The following CD1A variants were observed in gnomAD, a reference collection of about 807,000 sequenced individuals.
The protein encoded by CD1A is CD1a molecule, also known as T-cell surface glycoprotein CD1a.
In CD1A, 50 loss-of-function variants were observed where a neutral mutation model predicts 38.3. The observed-to-expected ratio is 1.30, with a 90% confidence interval of 1.04 to 1.65. CD1A has a LOEUF of 1.65. Ranked by LOEUF, CD1A falls within the 40% of genes most tolerant of loss-of-function variation. The pLI is 0.00. For synonymous variants in CD1A, 160 were observed against 150.8 expected, an observed-to-expected ratio of 1.06 and a Z score of -0.45; for missense variants, 459 against 406.1, an observed-to-expected ratio of 1.13 and a Z score of -1.12.
At chr1:158,253,920 C>T (rs1571116247), upstream of CD1A, among the ~76,000 whole-genome samples, 1 of 151,464 alleles carries the variant, frequency 6.6e-6, no homozygotes, top group African/African-American at 2.4e-5. Flanking sequence ...CTTAAGTGTA[C>T]CAAGATGCTT....
At chr1:158,256,686 A>AG in intron 3 of CD1A, 100 bp from the exon 4 acceptor site, 1 of 1,427,446 alleles carries the variant, frequency 7.0e-7, no homozygotes, top group Non-Finnish European at 9.5e-7. Context: ...AAAAAAAAAA[A>AG]AAAGAGAAAT....
rs1047788074 is a variant in CD1A at position 158,256,096 on chromosome 1, T to C, written c.418T>C (p.Phe140Leu). 9 of 1,614,082 alleles carry C rather than the reference T, an allele frequency of 5.6e-6. No individual in the cohort carries two copies. The African/African-American group carries it at 9.3e-5, about 17-fold the overall frequency. The stretch of plus-strand genomic sequence containing the variant: ...GCAGTTAGCTTATCAAGGATCAGAC[T>C]TTGTGAGCTTCCAGAACAATTCATG... ...FLQLAYQGSD[F>L]VSFQNNSWLP... Residue 140 changes from phenylalanine to leucine, a missense_variant, in exon 3 of 6, where the codon TTT (phenylalanine) becomes CTT (leucine). Coordinates refer to ENST00000289429, the MANE Select transcript of CD1A (RefSeq NM_001763.3).
At chr1:158,257,637 G>A in intron 5 of CD1A, 44 bp from the exon 6 acceptor site, 5 of 1,610,876 alleles carry the variant, frequency 3.1e-6, no homozygotes, top group Non-Finnish European at 4.2e-6. Context: ...TCAATTCTCA[G>A]CTCCACCTTA....
chr1:158,252,219 C>T (rs1013607182), upstream of CD1A, among the ~76,000 whole-genome samples: 7 of 151,812 alleles, frequency 4.6e-5, no homozygotes, highest in African/African-American at 1.7e-4. Context: ...TCTCATACCT[C>T]AGGCCCGCAT....
In CD1A at chr1:158,256,187, A is replaced by G; in HGVS notation, c.509A>G (p.His170Arg). Residue 170 changes from histidine (H) to arginine (R), a missense_variant, in exon 3 of 6, where the codon CAT becomes CGT. By Grantham distance (29) the His-to-Arg change is conservative (BLOSUM62 0). Coordinates refer to ENST00000289429, the MANE Select transcript of CD1A (RefSeq NM_001763.3). The stretch of plus-strand genomic sequence containing the variant: ...TGCAAAGTGCTCAATCAGAATCAGC[A>G]TGAAAATGACATAACACACAATCTT... ...HFCKVLNQNQ[H>R]ENDITHNLLS... The G allele has an allele frequency of 1.2e-6, 2 of 1,614,224 alleles. No homozygotes were observed.
Position 158,256,237 on chromosome 1 carries a change from A to G in CD1A, c.559A>G (p.Ile187Val). 3 of 1,614,150 alleles carry G rather than the reference A, an allele frequency of 1.9e-6. No individual in the cohort carries two copies. Among genetic ancestry groups the G allele is most frequent in the Non-Finnish European group, 2.5e-6 (3 of 1,180,024 alleles). Residue 187 changes from isoleucine to valine, a missense_variant, in exon 3 of 6, where the codon ATC (isoleucine) becomes GTC (valine). Coordinates refer to ENST00000289429, the MANE Select transcript of CD1A (RefSeq NM_001763.3). ...NLLSDTCPRF[I>V]LGLLDAGKAH... ...TCTCAGTGACACCTGCCCACGTTTC[A>G]TCTTGGGTCTTCTTGATGCAGGAAA...
At chr1:158,248,624 T>C in the CD1A span, among the ~76,000 whole-genome samples, 7 of 152,276 alleles carry the variant, frequency 4.6e-5, no homozygotes, top group African/African-American at 1.7e-4. Flanking sequence ...GAGTACAAAA[T>C]TATCAGTGAT....
In CD1A at chr1:158,256,938, T is replaced by C. The variant is rs766668283; in HGVS notation, c.757T>C (p.Leu253=). ...GCAGGGCACTCAGCGAGGGGACATCTTGCCCAGTGCTGATGGGACATGGTA... is the reference window on the plus strand; with the variant it reads ...GCAGGGCACTCAGCGAGGGGACATCCTGCCCAGTGCTGATGGGACATGGTA... The part of the protein sequence containing the change: ...EQQGTQRGDI[L]PSADGTWYLR... The change falls in exon 4 of 6, where the codon TTG becomes CTG. Residue 253 remains leucine, a synonymous_variant. Coordinates refer to ENST00000289429, the MANE Select transcript of CD1A (RefSeq NM_001763.3). 2.5e-6 allele frequency: 4 copies of C among 1,614,190 alleles called. No homozygotes were observed. In the South Asian group the frequency reaches 3.3e-5, roughly 13 times the overall value.
upstream of CD1A, chr1:158,254,219 G>C (rs1369723624): frequency 2.0e-6 from 2 of 1,021,184 alleles, no homozygotes; most frequent in South Asian, 3.9e-5. Context: ...TGAAGAGACA[G>C]GGGAAGAGAA....
In CD1A at chr1:158,255,350, T is replaced by A; in HGVS notation, c.325T>A (p.Tyr109Asn). 1 of 1,613,072 alleles carries A rather than the reference T, an allele frequency of 6.2e-7. No individual in the cohort carries two copies. The highest frequency in any genetic ancestry group is 8.5e-7 in the Non-Finnish European group (1 of 1,179,134). The change falls in exon 2 of 6, where the codon TAT (tyrosine) becomes AAT (asparagine). Residue 109 changes from tyrosine (Y) to asparagine (N), a missense_variant and splice_region_variant. Tyr to Asn is a moderately radical substitution (Grantham distance 143). Coordinates refer to ENST00000289429, the MANE Select transcript of CD1A (RefSeq NM_001763.3). The stretch of plus-strand genomic sequence containing the variant: ...ATACGCCCATGAATTGCAGTTTGAA[T>A]GTGAGTTCAGTTTTCTCCATGGAGA... ...RRYAHELQFE[Y>N]PFEIQVTGGC...
At chr1:158,252,365 T>A (rs1650113960), upstream of CD1A, among the ~76,000 whole-genome samples, 1 of 152,162 alleles carries the variant, frequency 6.6e-6, no homozygotes, top group Non-Finnish European at 1.5e-5. Context: ...TATATACTCA[T>A]GCTAGCCTTT....
chr1:158,254,869 A>G, intron 1 of CD1A, 142 bp downstream of exon 1: 1 of 904,512 alleles, frequency 1.1e-6, no homozygotes, highest in Non-Finnish European at 1.8e-6. Context: ...TGAGAGTGCC[A>G]GGCTGGTTCC....
At chr1:158,254,785 C>CTCTGTGTGTGTG (rs1396530514) in intron 1 of CD1A, 58 bp downstream of exon 1, 37 of 684,438 alleles carry the variant, frequency 5.4e-5, no homozygotes, top group South Asian at 5.4e-4. Flanking sequence ...CTCTCTCTCT[C>CTCTGTGTGTGTG]TGTGTGTGTG....
intron 5 of CD1A, 28 bp from the exon 6 acceptor site, chr1:158,257,653 A>G: frequency 6.2e-7 from 1 of 1,612,798 alleles, no homozygotes. Flanking sequence ...CCTTATTCAG[A>G]GTGACTTCTA....
Position 158,257,530 on chromosome 1 carries a change from T to C in CD1A, c.974+19T>C, listed in dbSNP as rs900522839. ...AACGCTGGTGAGTTCTTTGCATGTG[T>C]CTTTCCTACTCTTAGCCTCTACCCC... On this transcript the variant is annotated intron_variant, in intron 5 of 5. Coordinates refer to ENST00000289429, the MANE Select transcript of CD1A (RefSeq NM_001763.3). 3.7e-6 allele frequency: 6 copies of C among 1,601,978 alleles called. No individual in the cohort carries two copies. The African/African-American group carries it at 8.0e-5, about 21-fold the overall frequency.
upstream of CD1A, among the ~76,000 whole-genome samples, chr1:158,251,918 G>A (rs918048375): frequency 1.4e-4 from 22 of 151,760 alleles, no homozygotes; most frequent in Admixed American, 1.3e-3. Context: ...GTGCAGTGGC[G>A]CGATCTCGGC....
rs943916838 is a variant in CD1A, at chr1:158,257,720, C to T, written c.*30C>T. 2.4e-5 allele frequency: 39 copies of T among 1,610,516 alleles called. No individual in the cohort carries two copies. Among genetic ancestry groups the T allele is most frequent in the Non-Finnish European group, 3.1e-5 (37 of 1,176,778 alleles). ...CACCATGAGCCTCCTCGTCACCCTT[C>T]TCCTTTTGGGGTGAGAGACCAGCAG... On this transcript the variant is annotated 3_prime_UTR_variant, in exon 6 of 6. Coordinates refer to ENST00000289429, the MANE Select transcript of CD1A (RefSeq NM_001763.3).
rs1413941455 is a variant in CD1A at position 158,257,638 on chromosome 1, C to A, written c.975-43C>A. On this transcript the variant is annotated intron_variant, in intron 5 of 5. Coordinates refer to ENST00000289429, the MANE Select transcript of CD1A (RefSeq NM_001763.3). ...TTCCCTCTTGCTCCTCAATTCTCAG[C>A]TCCACCTTATTCAGAGTGACTTCTA... 1.9e-6 allele frequency: 3 copies of A among 1,611,002 alleles called. No homozygotes were observed. The Admixed American group carries it at 5.0e-5, about 27-fold the overall frequency.
In CD1A at chr1:158,258,082, C is replaced by G. The variant is rs1053679496; in HGVS notation, c.*392C>G. 5 of 186,054 alleles carry G rather than the reference C, an allele frequency of 2.7e-5. No individual in the cohort carries two copies. The highest frequency in any genetic ancestry group is 5.6e-5 in the Non-Finnish European group (5 of 88,734). The allele number at this position is 186,054 out of a possible 1,614,324, so 11.5% of individuals were successfully genotyped here. A position where few individuals can be genotyped will look rare whatever the true frequency, so the allele number is the denominator to read the frequency against. ...GTCTGAACTCCCGCCACATTTTAGC[C>G]GTACTTTGCTAACTGTGCTCCTCAC... On this transcript the variant is annotated 3_prime_UTR_variant, in exon 6 of 6. Coordinates refer to ENST00000289429, the MANE Select transcript of CD1A (RefSeq NM_001763.3).
Sources: gnomAD v4.1 joint callset for allele counts (sites outside exome capture counted in the v4.1 genomes callset) on GRCh38, gnomAD v4.1.1 for gene constraint, MANE v1.5 for transcripts, NCBI Gene and HGNC (gene_info 2026-07-23, HGNC 2026-07-21) for gene names.